APRT: variants seen among roughly 807,000 people sequenced by gnomAD.
APRT encodes the protein AMP diphosphorylase.
Under a neutral mutation model 21.0 loss-of-function variants are expected in APRT, and 25 were observed. The observed-to-expected ratio is 1.19, with a 90% confidence interval of 0.87 to 1.66. APRT has a LOEUF of 1.66. APRT is among the 40% of genes most tolerant of loss of function. The pLI, the probability that APRT is intolerant of heterozygous loss-of-function variation, is 0.00. For missense variants in APRT, 294 were observed against 232.7 expected, an observed-to-expected ratio of 1.26 and a Z score of -1.72; for synonymous variants, 153 against 109.0, an observed-to-expected ratio of 1.40 and a Z score of -2.52.
chr16:88,811,761 C>T (rs1909154423), intron 1 of APRT, 59 bp downstream of exon 1: 3 of 1,511,534 alleles, frequency 2.0e-6, no homozygotes, highest in Non-Finnish European at 2.7e-6. Flanking sequence ...TCGCGGGCCA[C>T]GCGCTCCCAT....
At position 88,810,564 on chromosome 16, in the gene APRT, GGTAA is replaced by G. The variant is rs758055336; in HGVS notation, c.188-12_188-9del. On this transcript the variant is annotated splice_polypyrimidine_tract_variant and intron_variant, in intron 2 of 4. Transcript: ENST00000378364. ...AGCCTCGGGAGTCTAGGCCTGTCAG[GGTAA>G]GTGACAGGAGTGACTCGGCAGCATG... The G allele has an allele frequency of 6.2e-7, 1 of 1,610,608 alleles. No homozygotes were observed. Among genetic ancestry groups the G allele is most frequent in the East Asian group, 2.2e-5 (1 of 44,826 alleles).
intron 3 of APRT, 95 bp from the exon 4 acceptor site, chr16:88,810,243 C>A (rs545344274): frequency 3.9e-6 from 6 of 1,523,072 alleles, no homozygotes; most frequent in Non-Finnish European, 1.8e-6. Flanking sequence ...TGACTCCAAC[C>A]CCACCTTGCT....
chr16:88,811,767 C>T (rs1359662907), intron 1 of APRT, 53 bp downstream of exon 1: 3 of 1,520,308 alleles, frequency 2.0e-6, no homozygotes, highest in East Asian at 2.5e-5. Context: ...GCCACGCGCT[C>T]CCATCCGTAG....
chr16:88,809,576 G>A lies in APRT; in HGVS notation c.*122C>T, dbSNP rs769271336. The A allele has an allele frequency of 4.3e-5, 64 of 1,492,844 alleles. 1 individual carries two copies. In the Middle Eastern group the frequency reaches 8.5e-4, roughly 20 times the overall value. 92.5% of individuals were successfully genotyped at this position (1,492,844 alleles called of 1,614,324 possible). A position where few individuals can be genotyped will look rare whatever the true frequency, so the allele number is the denominator to read the frequency against. On this transcript the variant is annotated 3_prime_UTR_variant, in exon 5 of 5. Coordinates refer to ENST00000378364, the MANE Select transcript of APRT (RefSeq NM_000485.3). ...TGGCACTTCCAGCCCCAGGAGAGGC[G>A]CTGAACCCCAGCAAAGGAATGTGTT...
At position 88,811,577 on chromosome 16, in the gene APRT, G is replaced by C. The variant is rs752977102; in HGVS notation, c.160C>G (p.His54Asp). ...GCGATGTAGTCGATGCGGCCCCCGT[G>C]GGTCGCCTTCAGGTGTCGCGCCAGG... The part of the protein sequence containing the change: ...GLLARHLKAT[H>D]GGRIDYIAGL... The change falls in exon 2 of 5, where the codon CAC becomes GAC. Residue 54 changes from histidine (H) to aspartate (D), a missense_variant. Coordinates refer to ENST00000378364, the MANE Select transcript of APRT (RefSeq NM_000485.3). 200 of 1,601,660 alleles carry C rather than the reference G, an allele frequency of 1.2e-4. No individual in the cohort carries two copies. The highest frequency in any genetic ancestry group is 1.6e-4 in the Non-Finnish European group (188 of 1,175,284).
intron 1 of APRT, 29 bp downstream of exon 1, chr16:88,811,791 G>A (rs771630958): frequency 1.9e-6 from 3 of 1,539,942 alleles, no homozygotes; most frequent in Non-Finnish European, 1.8e-6. Flanking sequence ...CGCAGGTCGG[G>A]GCGCCACGAG....
rs1909085686 is a variant in APRT, at chr16:88,810,489, GA to G, written c.254del (p.Leu85ProfsTer52). 6.2e-7 allele frequency: 1 copy of G among 1,612,230 alleles called. No individual in the cohort carries two copies. The highest frequency in any genetic ancestry group is 1.3e-5 in the African/African-American group (1 of 74,926). On this transcript the variant is annotated frameshift_variant, in exon 3 of 5. Transcript: ENST00000378364. LOFTEE classifies it high-confidence loss of function. ...LAQELGLGCV[L>X]IRKRGKLPGP... ...CTGGCAGCTTCCCCCGCTTTCGGAT[GA>G]GCACGCAGCCCAGTCCAAGCTCCTG...
chr16:88,809,505 T>G lies in APRT; in HGVS notation c.*193A>C. 1.2e-6 allele frequency: 1 copy of G among 853,092 alleles called. No homozygotes were observed. The highest frequency in any genetic ancestry group is 1.4e-5 in the South Asian group (1 of 70,318). The allele number at this position is 853,092 out of a possible 1,614,324, so 52.8% of individuals were successfully genotyped here. A position where few individuals can be genotyped will look rare whatever the true frequency, so the allele number is the denominator to read the frequency against. Reference sequence around the variant, plus strand: ...CTGTTTACTGCGTTCTCCCGCTGTGTGTAATTGGGTTCAGTGTGGCTGAAA... The same window carrying G: ...CTGTTTACTGCGTTCTCCCGCTGTGGGTAATTGGGTTCAGTGTGGCTGAAA... On this transcript the variant is annotated 3_prime_UTR_variant, in exon 5 of 5. Transcript: ENST00000378364.
At chr16:88,809,974 C>A in intron 4 of APRT, 96 bp downstream of exon 4, 1 of 1,567,458 alleles carries the variant, frequency 6.4e-7, no homozygotes, top group South Asian at 1.1e-5. Flanking sequence ...ACCCTCTGGA[C>A]AACAGTAAGC....
chr16:88,810,062 AC>A lies in APRT; in HGVS notation c.400+7del, dbSNP rs774658385. ...AGCCACAGCAGTTGGCTGCGGGGAG[AC>A]CCTTACCACCAGTGGCCAGCAGATC... On this transcript the variant is annotated splice_region_variant and intron_variant, in intron 4 of 4. Coordinates refer to ENST00000378364, the MANE Select transcript of APRT (RefSeq NM_000485.3). The A allele has an allele frequency of 1.9e-6, 3 of 1,612,698 alleles. No homozygotes were observed. The African/African-American group carries it at 4.0e-5, about 22-fold the overall frequency.
chr16:88,811,814 G>C lies in APRT; in HGVS notation c.80+6C>G. On this transcript the variant is annotated splice_donor_region_variant and intron_variant, in intron 1 of 4. Transcript: ENST00000378364. Reference sequence around the variant, plus strand: ...GGGGCGCCACGAGGGCGGCCTGTGCGTGCACCTGAATACCACGCCTGGGGT... The same window carrying C: ...GGGGCGCCACGAGGGCGGCCTGTGCCTGCACCTGAATACCACGCCTGGGGT... The C allele has an allele frequency of 1.3e-6, 2 of 1,562,972 alleles. No individual in the cohort carries two copies. Among genetic ancestry groups the C allele is most frequent in the South Asian group, 2.4e-5 (2 of 85,066 alleles).
Position 88,811,654 on chromosome 16 carries a change from T to C in APRT, c.83A>G (p.Asp28Gly). ...GGGGTCCTTCAGGACGGGCGAGATG[T>C]CCCTGGACCCAAGGACAGGCCTGGT... ...DFPTPGVVFR[D>G]ISPVLKDPAS... is the part of the protein sequence containing the mutation. Residue 28 changes from aspartate (D) to glycine (G), a missense_variant and splice_region_variant, in exon 2 of 5, where the codon GAC becomes GGC. By Grantham distance (94) the Asp-to-Gly change is moderately conservative. Coordinates refer to ENST00000378364, the MANE Select transcript of APRT (RefSeq NM_000485.3). 12 of 1,587,984 alleles carry C rather than the reference T, an allele frequency of 7.6e-6. No individual in the cohort carries two copies. The highest frequency in any genetic ancestry group is 1.0e-5 in the Non-Finnish European group (12 of 1,166,558).
rs546635982 is a variant in APRT, at chr16:88,810,498, G to A, written c.246C>T (p.Gly82=). The A allele has an allele frequency of 6.2e-7, 1 of 1,612,322 alleles. No homozygotes were observed. The highest frequency in any genetic ancestry group is 1.7e-5 in the Admixed American group (1 of 60,020). The stretch of plus-strand genomic sequence containing the variant: ...TCCCCCGCTTTCGGATGAGCACGCA[G>A]CCCAGTCCAAGCTCCTGGGCCAGGG... ...GPSLAQELGL[G]CVLIRKRGKL... The change falls in exon 3 of 5, where the codon GGC becomes GGT. Residue 82 remains glycine, a synonymous_variant. Transcript: ENST00000378364.
intron 2 of APRT, 48 bp downstream of exon 2, chr16:88,811,502 G>A (rs765495964): frequency 4.6e-6 from 7 of 1,520,208 alleles, no homozygotes; most frequent in Middle Eastern, 3.4e-4. Context: ...GCTGCCCTCG[G>A]CGCGCGCAGA....
At position 88,811,661 on chromosome 16, in the gene APRT, AC is replaced by A; in HGVS notation, c.81-6del. The A allele has an allele frequency of 6.3e-7, 1 of 1,580,796 alleles. No individual in the cohort carries two copies. The highest frequency in any genetic ancestry group is 8.6e-7 in the Non-Finnish European group (1 of 1,161,824). On this transcript the variant is annotated splice_polypyrimidine_tract_variant and splice_region_variant and intron_variant, in intron 1 of 4. Transcript: ENST00000378364. ...TTCAGGACGGGCGAGATGTCCCTGG[AC>A]CCAAGGACAGGCCTGGTGACGCCGG...
chr16:88,811,096 G>C (rs8191477), intron 2 of APRT: 5,025 of 304,724 alleles, frequency 0.016, 242 homozygotes, highest in African/African-American at 0.1. Flanking sequence ...GAGGCAAGAC[G>C]GCCAGGAACA....
chr16:88,810,272 C>A (rs1475389627), intron 3 of APRT, 124 bp from the exon 4 acceptor site: 66 of 1,357,138 alleles, frequency 4.9e-5, no homozygotes, highest in Non-Finnish European at 5.4e-5. Flanking sequence ...GCTGTGTGAG[C>A]CCAGCCTATG....
intron 2 of APRT, among the ~76,000 whole-genome samples, chr16:88,810,793 T>A (rs948667194): frequency 6.6e-6 from 1 of 152,162 alleles, no homozygotes; most frequent in Non-Finnish European, 1.5e-5. Context: ...ACCACCCCTC[T>A]CTCTGAGCTG....
At chr16:88,811,733 GCCC>G in intron 1 of APRT, 77 bp from the exon 2 acceptor site, 1 of 1,499,020 alleles carries the variant, frequency 6.7e-7, no homozygotes, top group African/African-American at 1.4e-5. Flanking sequence ...GAGGGTTCCC[GCCC>G]CGCCCGCCCG....
Sources: allele counts gnomAD v4.1 joint callset (sites outside exome capture counted in the v4.1 genomes callset), GRCh38; gene constraint gnomAD v4.1.1; transcripts MANE v1.5; gene names NCBI Gene and HGNC (gene_info 2026-07-23, HGNC 2026-07-21).